The following GTF2IRD1 variants were observed in gnomAD, a reference collection of about 807,000 sequenced individuals.
The protein encoded by GTF2IRD1 is GTF2I repeat domain containing 1.
A neutral mutation model predicts 113.2 loss-of-function variants in GTF2IRD1; 26 were observed. That is an observed-to-expected ratio of 0.23 (90% CI 0.17 to 0.32). GTF2IRD1 has a LOEUF of 0.32. GTF2IRD1 is among the 10% of genes least tolerant of loss of function. GTF2IRD1 has a pLI of 1.00. For missense variants in GTF2IRD1, 864 were observed against 1,280.8 expected (o/e 0.67, Z 4.97); for synonymous variants, 484 against 529.1 (o/e 0.91, Z 1.17).
rs1554345515 is a variant in GTF2IRD1 at position 74,519,724 on chromosome 7, C to T, written c.916+5C>T. On this transcript the variant is annotated splice_donor_5th_base_variant and intron_variant, in intron 6 of 26. Coordinates refer to ENST00000424337, the MANE Select transcript of GTF2IRD1 (RefSeq NM_005685.4). ...AAGACTTCTCCGACTGTTGTGGTAA[C>T]ATTGCTGCTGGGATCTCCAAGTCTA... 4 of 1,551,362 alleles carry T rather than the reference C, an allele frequency of 2.6e-6. No homozygotes were observed. Among genetic ancestry groups the T allele is most frequent in the Non-Finnish European group, 3.5e-6 (4 of 1,145,070 alleles).
At chr7:74,544,945 C>A (rs1798839395) in intron 15 of GTF2IRD1, 143 bp downstream of exon 15, 2 of 632,998 alleles carry the variant, frequency 3.2e-6, no homozygotes, top group South Asian at 2.0e-5. Flanking sequence ...GGGTGGGAAT[C>A]CTGTGGGCTG....
chr7:74,591,755 C>G (rs1297871984), intron 24 of GTF2IRD1, among the ~76,000 whole-genome samples: 1 of 152,034 alleles, frequency 6.6e-6, no homozygotes, highest in African/African-American at 2.4e-5. Context: ...GGGTCTCACT[C>G]TGTTGCCCAG....
At chr7:74,558,675 G>A in intron 20 of GTF2IRD1, among the ~76,000 whole-genome samples, 186 bp from the exon 21 acceptor site, 1 of 151,694 alleles carries the variant, frequency 6.6e-6, no homozygotes, top group Admixed American at 6.6e-5. Context: ...TTTTTTTTAT[G>A]TTCTGATCAA....
intron 5 of GTF2IRD1, among the ~76,000 whole-genome samples, 155 bp from the exon 6 acceptor site, chr7:74,519,254 T>C (rs932922513): frequency 6.6e-6 from 1 of 152,152 alleles, no homozygotes; most frequent in African/African-American, 2.4e-5. Context: ...CGAGCCTGCA[T>C]CCCCACTTGT....
chr7:74,462,797 T>C (rs1793462973), intron 1 of GTF2IRD1, among the ~76,000 whole-genome samples: 1 of 152,212 alleles, frequency 6.6e-6, no homozygotes, highest in South Asian at 2.1e-4. Flanking sequence ...ATCTTCTGTT[T>C]CTGGTGACTC....
chr7:74,594,370 ACT>A (rs1413917495), intron 24 of GTF2IRD1, among the ~76,000 whole-genome samples: 6 of 151,912 alleles, frequency 3.9e-5, no homozygotes, highest in South Asian at 2.1e-4. Context: ...AAAGAGTGAG[ACT>A]CTGTCTCAAA....
At chr7:74,579,469 T>C (rs1294552935) in intron 22 of GTF2IRD1, among the ~76,000 whole-genome samples, 6 of 151,896 alleles carry the variant, frequency 4.0e-5, no homozygotes, top group Non-Finnish European at 8.8e-5. Context: ...AATACAAAAA[T>C]TAGCCAAGCG....
chr7:74,552,237 G>T lies in GTF2IRD1; in HGVS notation c.1917-2937G>T, dbSNP rs587644358. 3.0e-4 allele frequency among the ~76,000 whole-genome samples: 45 copies of T among 152,218 alleles called. 1 individual carries two copies. Among genetic ancestry groups the T allele is most frequent in the South Asian group, 4.1e-4 (2 of 4,824 alleles). ...CTATCTCTATAAAAAAGAAAAATAGGCCAGGAGAGGTGGCTCACGCCTGTA... is the reference window on the plus strand; with the variant it reads ...CTATCTCTATAAAAAAGAAAAATAGTCCAGGAGAGGTGGCTCACGCCTGTA... On this transcript the variant is annotated intron_variant, in intron 17 of 26. Coordinates refer to ENST00000424337, the MANE Select transcript of GTF2IRD1 (RefSeq NM_005685.4).
intron 1 of GTF2IRD1, among the ~76,000 whole-genome samples, chr7:74,497,769 A>G (rs1554338469): frequency 6.6e-6 from 1 of 151,290 alleles, no homozygotes; most frequent in African/African-American, 2.4e-5. Context: ...CAATGGCATG[A>G]TGTCAGCTCA....
chr7:74,493,773 C>T (rs1386043994), intron 1 of GTF2IRD1, among the ~76,000 whole-genome samples: 1 of 151,986 alleles, frequency 6.6e-6, no homozygotes, highest in African/African-American at 2.4e-5. Context: ...GGCTGGAGTG[C>T]AGTGGTGTGA....
intron 1 of GTF2IRD1, among the ~76,000 whole-genome samples, chr7:74,459,733 T>A (rs1481638117): frequency 6.6e-6 from 1 of 152,202 alleles, no homozygotes; most frequent in African/African-American, 2.4e-5. Context: ...ATATTTGGGA[T>A]GAACTTCTAG....
chr7:74,491,621 C>T (rs1795351328), intron 1 of GTF2IRD1, among the ~76,000 whole-genome samples: 1 of 152,030 alleles, frequency 6.6e-6, no homozygotes, highest in African/African-American at 2.4e-5. Flanking sequence ...GGATAATGGC[C>T]TCCAGCTCCA....
chr7:74,529,163 A>G (rs1421079952), intron 8 of GTF2IRD1, among the ~76,000 whole-genome samples: 3 of 152,118 alleles, frequency 2.0e-5, no homozygotes, highest in Non-Finnish European at 4.4e-5. Context: ...GAGCACACAG[A>G]GGCATGAAGG....
chr7:74,560,392 G>A (rs587744972), intron 22 of GTF2IRD1, among the ~76,000 whole-genome samples: 9 of 151,142 alleles, frequency 6.0e-5, no homozygotes, highest in South Asian at 4.2e-4. Flanking sequence ...TGTGGGTGGC[G>A]CCTACCCTGC....
At chr7:74,544,047 A>G (rs1554352475) in intron 14 of GTF2IRD1, among the ~76,000 whole-genome samples, 1 of 152,086 alleles carries the variant, frequency 6.6e-6, no homozygotes, top group Non-Finnish European at 1.5e-5. Flanking sequence ...AGACCCAGGA[A>G]AAAGCTCCAG....
At position 74,572,650 on chromosome 7, in the gene GTF2IRD1, G is replaced by T. The variant is rs73137108; in HGVS notation, c.2320+12995G>T. 1,633 of 583,504 alleles carry T rather than the reference G, an allele frequency of 2.8e-3. 3 individuals are homozygous for T. The highest frequency in any genetic ancestry group is 3.6e-3 in the Admixed American group (57 of 15,768). 36.1% of individuals were successfully genotyped at this position (583,504 alleles called of 1,614,324 possible). On this transcript the variant is annotated intron_variant, in intron 22 of 26. Coordinates refer to ENST00000424337, the MANE Select transcript of GTF2IRD1 (RefSeq NM_005685.4). ...ATCACACACAGGCACACACCCTCTGGCCCCTGCCTCCCTCTCTCAGCCTTC... is the reference window on the plus strand; with the variant it reads ...ATCACACACAGGCACACACCCTCTGTCCCCTGCCTCCCTCTCTCAGCCTTC...
chr7:74,533,696 GC>G lies in GTF2IRD1; in HGVS notation c.1275-1415del, dbSNP rs1427790770. Among the ~76,000 whole-genome samples the G allele has an allele frequency of 2.6e-5, 4 of 152,158 alleles. No individual in the cohort carries two copies. The East Asian group carries it at 7.7e-4, about 29-fold the overall frequency. On this transcript the variant is annotated intron_variant, in intron 9 of 26. Transcript: ENST00000424337. ...GCTTCCCTCCCTAAGGGAAGGGCTGGCCGCTCACTGCTTGGGCCCCCTTGAT... is the reference window on the plus strand; with the variant it reads ...GCTTCCCTCCCTAAGGGAAGGGCTGGCGCTCACTGCTTGGGCCCCCTTGAT...
intron 2 of GTF2IRD1, among the ~76,000 whole-genome samples, chr7:74,509,660 A>AGTTTTTTTTT (rs1562816967): frequency 3.4e-5 from 5 of 145,504 alleles, no homozygotes; most frequent in East Asian, 2.5e-4. Flanking sequence ...CAGCATGACC[A>AGTTTTTTTTT]GTTTTGTTTT....
chr7:74,495,466 T>C (rs3779416), intron 1 of GTF2IRD1, among the ~76,000 whole-genome samples: 25,326 of 152,228 alleles, frequency 0.17, 2,245 homozygotes, highest in Middle Eastern at 0.24. Flanking sequence ...TCCCTCACCA[T>C]TCACCTTCTT....
Sources: gnomAD v4.1 joint callset for allele counts (sites outside exome capture counted in the v4.1 genomes callset) on GRCh38, gnomAD v4.1.1 for gene constraint, MANE v1.5 for transcripts, NCBI Gene and HGNC (gene_info 2026-07-23, HGNC 2026-07-21) for gene names.